The following PBX1 variants were observed in gnomAD, a reference collection of about 807,000 sequenced individuals.
The protein encoded by PBX1 is PBX homeobox 1, also known as pre-B-cell leukemia transcription factor 1.
In PBX1, 6 loss-of-function variants were observed where a neutral mutation model predicts 53.4. The ratio of observed to expected loss-of-function variants is 0.11; its 90% confidence interval spans 0.06 to 0.22. The LOEUF (loss-of-function observed/expected upper bound fraction) is 0.22, where lower values mean the gene tolerates loss of function less well. Ranked by LOEUF, PBX1 falls within the 10% of genes least tolerant of loss-of-function variation. PBX1 has a pLI of 1.00. For missense variants in PBX1, 251 were observed against 551.4 expected (o/e 0.46, Z 5.46); for synonymous variants, 204 against 212.3 (o/e 0.96, Z 0.34).
intron 2 of PBX1, among the ~76,000 whole-genome samples, chr1:164,786,255 G>C (rs558411657): frequency 1.3e-5 from 2 of 152,282 alleles, no homozygotes; most frequent in East Asian, 3.9e-4. Context: ...GGCCCTGTGA[G>C]GTTGTGTGGG....
chr1:164,695,273 T>C lies in PBX1; in HGVS notation c.266-97221T>C, dbSNP rs947149276. Reference sequence around the variant, plus strand: ...CTGCTGAGAATTATTCATTTTGGTCTGTAGGATGAAATCTAAACTCCTTTG... The same window carrying C: ...CTGCTGAGAATTATTCATTTTGGTCCGTAGGATGAAATCTAAACTCCTTTG... On this transcript the variant is annotated intron_variant, in intron 2 of 8. Coordinates refer to ENST00000420696, the MANE Select transcript of PBX1 (RefSeq NM_002585.4). 2.7e-4 allele frequency among the ~76,000 whole-genome samples: 41 copies of C among 152,168 alleles called. 1 individual carries two copies. The highest frequency in any genetic ancestry group is 2.7e-3 in the Admixed American group (41 of 15,272).
chr1:164,877,487 A>G (rs887806908), intron 2 of PBX1, among the ~76,000 whole-genome samples: 2 of 152,072 alleles, frequency 1.3e-5, no homozygotes, highest in African/African-American at 2.4e-5. Flanking sequence ...ACATGGTGAA[A>G]CCGCCTGTCT....
At position 164,807,563 on chromosome 1, in the gene PBX1, C is replaced by T. The variant is rs768078814; in HGVS notation, c.723C>T (p.Asn241=). 6.2e-7 allele frequency: 1 copy of T among 1,613,736 alleles called. No individual in the cohort carries two copies. The highest frequency in any genetic ancestry group is 8.5e-7 in the Non-Finnish European group (1 of 1,179,830). Residue 241 remains asparagine, a synonymous_variant, in exon 5 of 9, where the codon AAC becomes AAT. Transcript: ENST00000420696. ...AAAGGCGGAAGAGACGGAATTTCAA[C>T]AAGCAAGCGACAGAAATCCTGAATG... ...LDARRKRRNF[N]KQATEILNEY...
At chr1:164,602,179 C>G (rs1240926510) in intron 2 of PBX1, among the ~76,000 whole-genome samples, 2 of 152,112 alleles carry the variant, frequency 1.3e-5, no homozygotes, top group Non-Finnish European at 1.5e-5. Context: ...TGGGCCCTGG[C>G]TAGTTACAAC....
At chr1:164,830,486 T>C (rs1295745332) in intron 8 of PBX1, among the ~76,000 whole-genome samples, 1 of 152,198 alleles carries the variant, frequency 6.6e-6, no homozygotes. Flanking sequence ...ACTCTGGTTA[T>C]CATAATAATA....
At chr1:164,803,835 GCTACAACC>G (rs574661426) in intron 4 of PBX1, among the ~76,000 whole-genome samples, 63 of 152,256 alleles carry the variant, frequency 4.1e-4, no homozygotes, top group Admixed American at 1.6e-3. Context: ...TCAAATTCTG[GCTACAACC>G]CTGATGACCT....
chr1:164,836,009 G>A (rs535922983), intron 8 of PBX1, among the ~76,000 whole-genome samples: 1 of 152,104 alleles, frequency 6.6e-6, no homozygotes, highest in Non-Finnish European at 1.5e-5. Context: ...GGGGAGATCT[G>A]CCCTAGGCCT....
Position 164,637,468 on chromosome 1 carries a change from C to G in PBX1, c.265+74157C>G, listed in dbSNP as rs189385451. ...GCCAGGGGCTCCTGAGTTCAAGTGC[C>G]TACTGGGATGCTAACTTCCTGTGGG... is the stretch of plus-strand genomic sequence containing the variant. On this transcript the variant is annotated intron_variant, in intron 2 of 8. Coordinates refer to ENST00000420696, the MANE Select transcript of PBX1 (RefSeq NM_002585.4). Among the ~76,000 whole-genome samples the G allele has an allele frequency of 7.2e-4, 110 of 152,298 alleles. 1 individual carries two copies. In the Middle Eastern group the frequency reaches 0.017, roughly 24 times the overall value.
At chr1:164,648,827 A>G (rs1020126219) in intron 2 of PBX1, among the ~76,000 whole-genome samples, 6 of 152,198 alleles carry the variant, frequency 3.9e-5, no homozygotes, top group Non-Finnish European at 8.8e-5. Context: ...TAATGTAATG[A>G]AAACATGCAC....
Position 164,820,266 on chromosome 1 carries a change from C to A in PBX1, c.1110+82C>A, listed in dbSNP as rs1022056696. 4 of 803,650 alleles carry A rather than the reference C, an allele frequency of 5.0e-6. No homozygotes were observed. In the African/African-American group the frequency reaches 6.9e-5, roughly 14 times the overall value. 49.8% of individuals were successfully genotyped at this position (803,650 alleles called of 1,614,324 possible). On this transcript the variant is annotated intron_variant, in intron 7 of 8. Transcript: ENST00000420696. ...GTTGTATTGGACTTCCTGCTTCTGT[C>A]CAGAGAGAGAGAGAAAAACAGATCA...
chr1:164,663,047 C>T (rs7537261), intron 2 of PBX1, among the ~76,000 whole-genome samples: 2,074 of 152,242 alleles, frequency 0.014, 35 homozygotes, highest in South Asian at 0.045. Flanking sequence ...ATGTCTTGCC[C>T]AGCTGTGTAA....
At position 164,810,664 on chromosome 1, in the gene PBX1, T is replaced by C. The variant is rs76246606; in HGVS notation, c.838-1326T>C. Among the ~76,000 whole-genome samples the C allele has an allele frequency of 2.9e-3, 448 of 152,292 alleles. 4 individuals carry two copies. Among genetic ancestry groups the C allele is most frequent in the South Asian group, 0.023 (111 of 4,828 alleles). The stretch of plus-strand genomic sequence containing the variant: ...CATAATTATGACTGATTCCTATGAA[T>C]AGTGAAAGTTATGTCAAGAAAAACA... On this transcript the variant is annotated intron_variant, in intron 5 of 8. Transcript: ENST00000420696.
At chr1:164,596,663 A>C (rs569719161) in intron 2 of PBX1, among the ~76,000 whole-genome samples, 3 of 152,312 alleles carry the variant, frequency 2.0e-5, no homozygotes, top group African/African-American at 7.2e-5. Flanking sequence ...GTGGGGCAGA[A>C]GCTTCTGTTC....
chr1:164,702,006 TACAG>T (rs1663149373), intron 2 of PBX1, among the ~76,000 whole-genome samples: 1 of 152,150 alleles, frequency 6.6e-6, no homozygotes, highest in Non-Finnish European at 1.5e-5. Flanking sequence ...AAAAATCTCT[TACAG>T]ACATATGTTT....
At chr1:164,577,933 C>T (rs894275098) in intron 2 of PBX1, among the ~76,000 whole-genome samples, 1 of 152,280 alleles carries the variant, frequency 6.6e-6, no homozygotes, top group African/African-American at 2.4e-5. Flanking sequence ...CTGACTGTTA[C>T]AGATGTTGCA....
At chr1:164,699,199 A>G (rs916345325) in intron 2 of PBX1, among the ~76,000 whole-genome samples, 1 of 152,198 alleles carries the variant, frequency 6.6e-6, no homozygotes, top group Admixed American at 6.5e-5. Context: ...ATCCCTCTCT[A>G]TCTATCTACC....
intron 2 of PBX1, among the ~76,000 whole-genome samples, chr1:164,732,454 CCTT>C (rs1014730819): frequency 3.3e-5 from 5 of 152,086 alleles, no homozygotes; most frequent in African/African-American, 9.7e-5. Context: ...AAATCAATCT[CCTT>C]CTAGCAGATG....
chr1:164,643,560 G>T (rs1041746426), intron 2 of PBX1, among the ~76,000 whole-genome samples: 3 of 152,164 alleles, frequency 2.0e-5, no homozygotes, highest in Non-Finnish European at 2.9e-5. Flanking sequence ...CAAGTTATTT[G>T]TTACCATGTC....
intron 2 of PBX1, among the ~76,000 whole-genome samples, chr1:164,672,438 C>T (rs1239810671): frequency 2.0e-5 from 3 of 152,062 alleles, no homozygotes; most frequent in Admixed American, 6.6e-5. Context: ...ACTTAGATCT[C>T]GATACTGAGA....
Sources: allele counts gnomAD v4.1 joint callset (sites outside exome capture counted in the v4.1 genomes callset), GRCh38; gene constraint gnomAD v4.1.1; transcripts MANE v1.5; gene names NCBI Gene and HGNC (gene_info 2026-07-23, HGNC 2026-07-21).